STX11: variants seen among roughly 807,000 people sequenced by gnomAD.
STX11 encodes the protein syntaxin 11, also known as syntaxin-11.
STX11 carries 21 observed loss-of-function variants against 19.9 expected under a neutral mutation model. The ratio of observed to expected loss-of-function variants is 1.06; its 90% CI spans 0.75 to 1.52. The LOEUF (loss-of-function observed/expected upper bound fraction) is 1.52, where lower values mean the gene tolerates loss of function less well. STX11 is among the 40% of genes most tolerant of loss of function. The pLI, the probability that STX11 is intolerant of heterozygous loss-of-function variation, is 0.00. For missense variants in STX11, 438 were observed against 405.9 expected, an observed-to-expected ratio of 1.08 and a Z score of -0.68; for synonymous variants, 193 against 174.4, an observed-to-expected ratio of 1.11 and a Z score of -0.84.
upstream of STX11, among the ~76,000 whole-genome samples, chr6:144,146,803 T>G (rs888111385): frequency 6.6e-6 from 1 of 151,982 alleles, no homozygotes; most frequent in South Asian, 2.1e-4. This position sits in a 1 kb window ranked among gnomAD's most constrained non-coding sequence, Gnocchi z 4.4. Context: ...GTGATCCTCC[T>G]ACCCTGTCCT....
Position 144,185,417 on chromosome 6 carries a change from T to C in STX11, c.-5-1206T>C, listed in dbSNP as rs17073493. On this transcript the variant is annotated intron_variant, in intron 1 of 1. Coordinates refer to ENST00000367568, the MANE Select transcript of STX11 (RefSeq NM_003764.4). Reference sequence around the variant, plus strand: ...AAAAAGAATCTTTCTCATCATGAAGTCTTGTGTATAAACACAAGATATTCC... The same window carrying C: ...AAAAAGAATCTTTCTCATCATGAAGCCTTGTGTATAAACACAAGATATTCC... Among the ~76,000 whole-genome samples the C allele has an allele frequency of 6.8e-3, 1,030 of 152,340 alleles. 13 individuals are homozygous for C. The highest frequency in any genetic ancestry group is 0.023 in the African/African-American group (960 of 41,582).
rs1419615577 is a variant in STX11 at position 144,176,679 on chromosome 6, G to A, written c.-5-9944G>A. On this transcript the variant is annotated intron_variant, in intron 1 of 1. Transcript: ENST00000367568. The surrounding 1 kb of genome is among the most constrained non-coding windows in gnomAD (Gnocchi z 4.1). The stretch of plus-strand genomic sequence containing the variant: ...TTGCTATTTTAACTCCCAGGAAAGA[G>A]AAACATTTTAAATCAAATCAAGCTG... 6.6e-6 allele frequency among the ~76,000 whole-genome samples: 1 copy of A among 152,170 alleles called. No individual in the cohort carries two copies. Among genetic ancestry groups the A allele is most frequent in the East Asian group, 1.9e-4 (1 of 5,200 alleles).
In STX11 at chr6:144,191,625, C is replaced by T. The variant is rs946475738; in HGVS notation, c.*4134C>T. Among the ~76,000 whole-genome samples the T allele has an allele frequency of 6.6e-6, 1 of 151,974 alleles. No individual in the cohort carries two copies. Among genetic ancestry groups the T allele is most frequent in the East Asian group, 1.9e-4 (1 of 5,184 alleles). On this transcript the variant is annotated 3_prime_UTR_variant, in exon 2 of 2. Transcript: ENST00000367568. ...CCATCAGACATATTTCTACTCCTTT[C>T]TTTGAAGTATGCGAAGTATCTCCAA...
intron 1 of STX11, among the ~76,000 whole-genome samples, chr6:144,185,283 ATTAC>A (rs1801997568): frequency 6.6e-6 from 1 of 152,234 alleles, no homozygotes; most frequent in Non-Finnish European, 1.5e-5. Context: ...TATAAAATTA[ATTAC>A]TTCAACTTGA....
chr6:144,168,798 C>T (rs1801551581), intron 1 of STX11, among the ~76,000 whole-genome samples: 1 of 152,232 alleles, frequency 6.6e-6, no homozygotes, highest in Admixed American at 6.5e-5. Context: ...CTGCTGCTAG[C>T]ATGCTGTTTA....
At chr6:144,157,885 CTT>C (rs1801215344) in intron 1 of STX11, among the ~76,000 whole-genome samples, 1 of 151,868 alleles carries the variant, frequency 6.6e-6, no homozygotes, top group Non-Finnish European at 1.5e-5. Flanking sequence ...CTCGCTCTCT[CTT>C]TCAAGCCCTT....
chr6:144,181,386 A>G (rs967301909), intron 1 of STX11, among the ~76,000 whole-genome samples: 2 of 151,940 alleles, frequency 1.3e-5, no homozygotes, highest in African/African-American at 4.8e-5. Context: ...CCTGAGATCA[A>G]GAGTTTGAGA....
At chr6:144,148,734 G>A (rs1056162357), upstream of STX11, among the ~76,000 whole-genome samples, 1 of 152,172 alleles carries the variant, frequency 6.6e-6, no homozygotes, top group African/African-American at 2.4e-5. Flanking sequence ...CTTCTAGGCT[G>A]CGGCAGTTTT....
At chr6:144,163,468 A>T (rs1230100500) in intron 1 of STX11, among the ~76,000 whole-genome samples, 1 of 151,926 alleles carries the variant, frequency 6.6e-6, no homozygotes, top group Non-Finnish European at 1.5e-5. Context: ...TTTTATTTTT[A>T]AAATTTTTTT....
chr6:144,189,539 C>T lies in STX11; in HGVS notation c.*2048C>T, dbSNP rs949648592. On this transcript the variant is annotated 3_prime_UTR_variant, in exon 2 of 2. Transcript: ENST00000367568. Reference sequence around the variant, plus strand: ...ATTTACCATGTTTCCTGGCCTTCCTCTGTGTCAACTCTTAGCTCTTCCTAA... The same window carrying T: ...ATTTACCATGTTTCCTGGCCTTCCTTTGTGTCAACTCTTAGCTCTTCCTAA... 6.6e-6 allele frequency among the ~76,000 whole-genome samples: 1 copy of T among 152,192 alleles called. No homozygotes were observed. Among genetic ancestry groups the T allele is most frequent in the Admixed American group, 6.5e-5 (1 of 15,282 alleles).
In STX11 at chr6:144,190,963, C is replaced by T. The variant is rs1802196482; in HGVS notation, c.*3472C>T. On this transcript the variant is annotated 3_prime_UTR_variant, in exon 2 of 2. Transcript: ENST00000367568. Reference sequence around the variant, plus strand: ...CCACCAAGAGATGCTGTAGAGCTGGCTTTACCAATCTCATGATGCTTGCTT... The same window carrying T: ...CCACCAAGAGATGCTGTAGAGCTGGTTTTACCAATCTCATGATGCTTGCTT... Among the ~76,000 whole-genome samples, 1 of 152,052 alleles carries T rather than the reference C, an allele frequency of 6.6e-6. No homozygotes were observed. Among genetic ancestry groups the T allele is most frequent in the African/African-American group, 2.4e-5 (1 of 41,392 alleles).
chr6:144,173,523 C>T (rs1355316117), intron 1 of STX11, among the ~76,000 whole-genome samples: 1 of 152,136 alleles, frequency 6.6e-6, no homozygotes, highest in East Asian at 1.9e-4. Flanking sequence ...CTTGTGAGTT[C>T]TGGTTTCTCT....
rs547259295 is a variant in STX11, at chr6:144,160,193, C to T, written c.-6+9490C>T. On this transcript the variant is annotated intron_variant, in intron 1 of 1. Coordinates refer to ENST00000367568, the MANE Select transcript of STX11 (RefSeq NM_003764.4). This position sits in a 1 kb window ranked among gnomAD's most constrained non-coding sequence, Gnocchi z 4.3. ...AATTTTTGTATTTTTTTAGTAGAGACGGGGTTTCACTATATTTGGCCAGGC... is the reference window on the plus strand; with the variant it reads ...AATTTTTGTATTTTTTTAGTAGAGATGGGGTTTCACTATATTTGGCCAGGC... 3.4e-4 allele frequency among the ~76,000 whole-genome samples: 52 copies of T among 152,092 alleles called. No homozygotes were observed. The highest frequency in any genetic ancestry group is 1.2e-3 in the African/African-American group (48 of 41,486).
At position 144,162,306 on chromosome 6, in the gene STX11, T is replaced by C. The variant is rs2128749361; in HGVS notation, c.-6+11603T>C. On this transcript the variant is annotated intron_variant, in intron 1 of 1. Transcript: ENST00000367568. The surrounding 1 kb of genome is among the most constrained non-coding windows in gnomAD (Gnocchi z 4.6). Reference sequence around the variant, plus strand: ...TTCGGTTGCTTCTTGGACTTCTCCATTGTTCACTGAGGATTTAACTTTCTT... The same window carrying C: ...TTCGGTTGCTTCTTGGACTTCTCCACTGTTCACTGAGGATTTAACTTTCTT... Among the ~76,000 whole-genome samples, 1 of 152,370 alleles carries C rather than the reference T, an allele frequency of 6.6e-6. No homozygotes were observed. Among genetic ancestry groups the C allele is most frequent in the South Asian group, 2.1e-4 (1 of 4,830 alleles).
At chr6:144,158,618 A>T (rs1270266574) in intron 1 of STX11, among the ~76,000 whole-genome samples, 1 of 151,872 alleles carries the variant, frequency 6.6e-6, no homozygotes, top group South Asian at 2.1e-4. Context: ...TAAATGTAGG[A>T]TGGATTTCTA....
Position 144,184,270 on chromosome 6 carries a change from C to G in STX11, c.-5-2353C>G, listed in dbSNP as rs899201682. Among the ~76,000 whole-genome samples the G allele has an allele frequency of 1.3e-5, 2 of 152,180 alleles. No homozygotes were observed. The highest frequency in any genetic ancestry group is 1.5e-5 in the Non-Finnish European group (1 of 68,026). ...CCAGTTCTAAATCTTTGAGGAATTG[C>G]CACACTGTCTTCCACAATGGTTGAA... is the stretch of plus-strand genomic sequence containing the variant. On this transcript the variant is annotated intron_variant, in intron 1 of 1. Transcript: ENST00000367568. This position sits in a 1 kb window ranked among gnomAD's most constrained non-coding sequence, Gnocchi z 6.5.
At position 144,165,149 on chromosome 6, in the gene STX11, T is replaced by C. The variant is rs1485747968; in HGVS notation, c.-6+14446T>C. Among the ~76,000 whole-genome samples, 1 of 152,120 alleles carries C rather than the reference T, an allele frequency of 6.6e-6. No homozygotes were observed. Among genetic ancestry groups the C allele is most frequent in the Non-Finnish European group, 1.5e-5 (1 of 68,008 alleles). On this transcript the variant is annotated intron_variant, in intron 1 of 1. Coordinates refer to ENST00000367568, the MANE Select transcript of STX11 (RefSeq NM_003764.4). This position sits in a 1 kb window ranked among gnomAD's most constrained non-coding sequence, Gnocchi z 5.8. ...TCTTTGACAGGTGTAATGCAATATA[T>C]TCACTTTGAAGAAAAATTTTCTTGG...
Position 144,169,649 on chromosome 6 carries a change from T to TTCGC in STX11, c.-5-16972_-5-16971insGCTC, listed in dbSNP as rs1801574354. On this transcript the variant is annotated intron_variant, in intron 1 of 1. Coordinates refer to ENST00000367568, the MANE Select transcript of STX11 (RefSeq NM_003764.4). This position sits in a 1 kb window ranked among gnomAD's most constrained non-coding sequence, Gnocchi z 5.2. Reference sequence around the variant, plus strand: ...CCTTCCTTTTTTCTCTCCTTTTCTTTTCCCTCCCTCCCTCCCTTCCTTCCT... The same window carrying TTCGC: ...CCTTCCTTTTTTCTCTCCTTTTCTTTTCGCTCCCTCCCTCCCTCCCTTCCTTCCT... 7.2e-6 allele frequency among the ~76,000 whole-genome samples: 1 copy of TTCGC among 138,158 alleles called. No homozygotes were observed. Among genetic ancestry groups the TTCGC allele is most frequent in the Non-Finnish European group, 1.6e-5 (1 of 61,792 alleles). 90.6% of individuals were successfully genotyped at this position (138,158 alleles called of 152,430 possible).
At chr6:144,168,266 G>A (rs1410708525) in intron 1 of STX11, among the ~76,000 whole-genome samples, 1 of 152,152 alleles carries the variant, frequency 6.6e-6, no homozygotes, top group Non-Finnish European at 1.5e-5. Flanking sequence ...CATTAACAAT[G>A]GTGTTTGTCT....
Sources: gnomAD v4.1 joint callset for allele counts (sites outside exome capture counted in the v4.1 genomes callset) on GRCh38, gnomAD v4.1.1 for gene constraint, Gnocchi (gnomAD v3.1) non-coding constraint, MANE v1.5 for transcripts, NCBI Gene and HGNC (gene_info 2026-07-23, HGNC 2026-07-21) for gene names.